ROBO1: variants seen among roughly 807,000 people sequenced by gnomAD.
The protein encoded by ROBO1 is roundabout homolog 1.
Under a neutral mutation model 195.9 loss-of-function variants are expected in ROBO1, and 149 were observed. The observed-to-expected ratio is 0.76, with a 90% CI of 0.67 to 0.87. The LOEUF is 0.87. ROBO1 is among the 40% of genes least tolerant of loss of function. The probability of loss-of-function intolerance (pLI) is 0.00; values close to 1 mark genes in which losing one functional copy is unlikely to be tolerated. For synonymous variants in ROBO1, 816 were observed against 733.2 expected (o/e 1.11, Z -1.82); for missense variants, 1,933 against 2,068.3 (o/e 0.93, Z 1.27).
At chr3:79,433,316 A>C (rs1316785041) in intron 2 of ROBO1, among the ~76,000 whole-genome samples, 1 of 152,148 alleles carries the variant, frequency 6.6e-6, no homozygotes, top group African/African-American at 2.4e-5. Flanking sequence ...TGCTGAGAAT[A>C]ATGGCATCCA....
chr3:79,413,959 A>C (rs1224432265), intron 2 of ROBO1, among the ~76,000 whole-genome samples: 1 of 152,112 alleles, frequency 6.6e-6, no homozygotes, highest in Non-Finnish European at 1.5e-5. Flanking sequence ...AATCATACCA[A>C]GAAACTTTCC....
At chr3:79,001,137 G>C (rs763095389) in intron 3 of ROBO1, among the ~76,000 whole-genome samples, 18 of 152,012 alleles carry the variant, frequency 1.2e-4, no homozygotes, top group Non-Finnish European at 2.4e-4. Flanking sequence ...CGGGGGAAAG[G>C]GGAGGGAGAG....
chr3:79,128,261 A>AT (rs1180400443), intron 2 of ROBO1, among the ~76,000 whole-genome samples: 1 of 152,110 alleles, frequency 6.6e-6, no homozygotes, highest in Non-Finnish European at 1.5e-5. Context: ...TTCAGCTGCA[A>AT]TTGGTGAAAG....
chr3:78,852,098 G>C (rs2034103972), intron 4 of ROBO1, among the ~76,000 whole-genome samples: 1 of 151,914 alleles, frequency 6.6e-6, no homozygotes, highest in African/African-American at 2.4e-5. Flanking sequence ...TTTTAATTTA[G>C]AATCAGTTCC....
At position 78,600,306 on chromosome 3, in the gene ROBO1, T is replaced by G. The variant is rs753226863; in HGVS notation, c.4748A>C (p.Asp1583Ala). 6.3e-7 allele frequency: 1 copy of G among 1,592,324 alleles called. No individual in the cohort carries two copies. The highest frequency in any genetic ancestry group is 1.7e-4 in the Middle Eastern group (1 of 6,014). Reference sequence around the variant, plus strand: ...AGTAGGTCTACAATAAGGTAGAATATCCTCTGTGTAATGAAATATAATAAA... The same window carrying G: ...AGTAGGTCTACAATAAGGTAGAATAGCCTCTGTGTAATGAAATATAATAAA... Reference protein sequence around the residue: ...PPAKTHLIQEDILPYCRPTFP... With the variant: ...PPAKTHLIQEAILPYCRPTFP... The change falls in exon 30 of 31, where the codon GAT (aspartate) becomes GCT (alanine). Residue 1583 changes from aspartate to alanine, a missense_variant. Transcript: ENST00000464233.
chr3:79,002,440 G>A (rs2077527544), intron 3 of ROBO1, among the ~76,000 whole-genome samples: 1 of 152,050 alleles, frequency 6.6e-6, no homozygotes, highest in South Asian at 2.1e-4. Context: ...ATACCTATAA[G>A]AAATTTGTGT....
chr3:79,255,033 G>C (rs533114997), intron 2 of ROBO1, among the ~76,000 whole-genome samples: 1 of 152,232 alleles, frequency 6.6e-6, no homozygotes, highest in East Asian at 1.9e-4. Context: ...TCAAATAGAA[G>C]TTGAAAAAAG....
chr3:79,266,298 T>G (rs1029138712), intron 2 of ROBO1, among the ~76,000 whole-genome samples: 7 of 151,616 alleles, frequency 4.6e-5, no homozygotes, highest in African/African-American at 1.7e-4. Context: ...TTTAATTAAA[T>G]GATATTTATT....
chr3:79,226,422 C>T (rs2082227870), intron 2 of ROBO1, among the ~76,000 whole-genome samples: 1 of 152,130 alleles, frequency 6.6e-6, no homozygotes, highest in African/African-American at 2.4e-5. Context: ...TCTTTGAGCT[C>T]CTGTAAACAA....
chr3:79,243,868 C>A (rs933936203), intron 2 of ROBO1, among the ~76,000 whole-genome samples: 3 of 152,076 alleles, frequency 2.0e-5, no homozygotes, highest in African/African-American at 7.2e-5. Flanking sequence ...GCTTTTGTTG[C>A]CATTGCTTTT....
intron 3 of ROBO1, among the ~76,000 whole-genome samples, chr3:79,003,767 T>C (rs1478451557): frequency 6.6e-6 from 1 of 152,194 alleles, no homozygotes; most frequent in African/African-American, 2.4e-5. Flanking sequence ...ACCTATGCTC[T>C]ACTGAAAAGC....
At chr3:78,727,624 C>G (rs192677347) in intron 5 of ROBO1, among the ~76,000 whole-genome samples, 2 of 152,168 alleles carry the variant, frequency 1.3e-5, no homozygotes, top group East Asian at 3.9e-4. Flanking sequence ...GACTCCGTCT[C>G]AGAAAAAAAC....
At chr3:79,248,033 C>A (rs781606547) in intron 2 of ROBO1, among the ~76,000 whole-genome samples, 3 of 152,058 alleles carry the variant, frequency 2.0e-5, no homozygotes, top group Non-Finnish European at 4.4e-5. Context: ...TAATGATGTT[C>A]TCCTGATGTT....
intron 3 of ROBO1, among the ~76,000 whole-genome samples, chr3:79,054,738 A>T (rs2078770650): frequency 6.6e-6 from 1 of 152,128 alleles, no homozygotes; most frequent in East Asian, 1.9e-4. Flanking sequence ...GCAAAGGGAA[A>T]CATTGGGTAA....
chr3:79,295,138 C>A (rs2032508309), intron 2 of ROBO1, among the ~76,000 whole-genome samples: 1 of 152,154 alleles, frequency 6.6e-6, no homozygotes. Flanking sequence ...ACTATAAAGA[C>A]ACATGCATAT....
chr3:79,202,083 T>C (rs2081776079), intron 2 of ROBO1, among the ~76,000 whole-genome samples: 1 of 151,974 alleles, frequency 6.6e-6, no homozygotes, highest in African/African-American at 2.4e-5. Context: ...CCTTCAAGTC[T>C]GGGCGGCAGC....
At chr3:79,556,677 CAT>C (rs1036501110) in intron 2 of ROBO1, among the ~76,000 whole-genome samples, 4 of 151,788 alleles carry the variant, frequency 2.6e-5, no homozygotes, top group Non-Finnish European at 5.9e-5. Flanking sequence ...TATATGTACT[CAT>C]GTTTACTGAT....
chr3:79,499,518 T>C (rs542511926), intron 2 of ROBO1, among the ~76,000 whole-genome samples: 53 of 152,346 alleles, frequency 3.5e-4, no homozygotes, highest in African/African-American at 1.2e-3. Flanking sequence ...TGGTATATAC[T>C]GTCTATGGAT....
intron 2 of ROBO1, among the ~76,000 whole-genome samples, chr3:79,484,755 C>CTTTTTTTCTTTTTT (rs1939063008): frequency 1.5e-5 from 1 of 66,884 alleles, no homozygotes; most frequent in Non-Finnish European, 2.7e-5. Flanking sequence ...ATTGCACTAT[C>CTTTTTTTCTTTTTT]TTTTTTTTTT....
Sources: allele counts gnomAD v4.1 joint callset (sites outside exome capture counted in the v4.1 genomes callset), GRCh38; gene constraint gnomAD v4.1.1; transcripts MANE v1.5; gene names NCBI Gene and HGNC (gene_info 2026-07-23, HGNC 2026-07-21).